Variants in TMCO5A observed in about 807,000 individuals in gnomAD.
The protein encoded by TMCO5A is transmembrane and coiled-coil domains 5A.
In TMCO5A, 34 loss-of-function variants were observed where a neutral mutation model predicts 42.3. The ratio of observed to expected loss-of-function variants is 0.80; its 90% CI spans 0.61 to 1.07. The LOEUF (loss-of-function observed/expected upper bound fraction) is 1.07, where lower values mean the gene tolerates loss of function less well. Among genes scored for constraint, TMCO5A ranks in the 50% least tolerant of loss-of-function variants. The probability of loss-of-function intolerance (pLI) is 0.00; values close to 1 mark genes in which losing one functional copy is unlikely to be tolerated. For missense variants in TMCO5A, 357 were observed against 327.9 expected (o/e 1.09, Z -0.69); for synonymous variants, 131 against 115.6 (o/e 1.13, Z -0.86).
At chr15:37,941,820 A>T in intron 8 of TMCO5A, 90 bp downstream of exon 8, 1 of 1,123,946 alleles carries the variant, frequency 8.9e-7, no homozygotes. Flanking sequence ...TGTCCAGAGC[A>T]ATTTCAACAG....
chr15:37,937,386 T>G lies in TMCO5A; in HGVS notation c.305T>G (p.Leu102Arg). The change falls in exon 5 of 12, where the codon CTT (leucine) becomes CGT (arginine). Residue 102 changes from leucine to arginine, a missense_variant. Transcript: ENST00000319669. ...NKTLVHSITE[L>R]QQKLTRKSQK... Reference sequence around the variant, plus strand: ...ACGTTGGTCCACAGTATAACAGAACTTCAACAAAAGGTGAGGTAGGGTACT... The same window carrying G: ...ACGTTGGTCCACAGTATAACAGAACGTCAACAAAAGGTGAGGTAGGGTACT... 1 of 1,613,066 alleles carries G rather than the reference T, an allele frequency of 6.2e-7. No individual in the cohort carries two copies. The highest frequency in any genetic ancestry group is 1.1e-5 in the South Asian group (1 of 91,056).
intron 8 of TMCO5A, 150 bp from the exon 9 acceptor site, chr15:37,942,041 A>T (rs1226374722): frequency 2.8e-6 from 2 of 711,926 alleles, no homozygotes; most frequent in Non-Finnish European, 4.7e-6. Context: ...GATCAAGAGT[A>T]GTAGGGGGGT....
At chr15:37,965,076 A>G (rs943815864) in intron 11 of TMCO5A, among the ~76,000 whole-genome samples, 4 of 152,162 alleles carry the variant, frequency 2.6e-5, no homozygotes, top group Admixed American at 6.6e-5. Flanking sequence ...ACATATACCA[A>G]TGGAACATAA....
the TMCO5A span, among the ~76,000 whole-genome samples, chr15:37,988,815 G>T: frequency 1.3e-5 from 2 of 151,816 alleles, no homozygotes; most frequent in African/African-American, 2.4e-5. Context: ...TTCTTTTCTT[G>T]CAGTGTTTTT....
chr15:37,967,418 A>T (rs1237491467), exon 12 of TMCO5A: 1 of 152,216 alleles, frequency 6.6e-6, no homozygotes, highest in African/African-American at 2.4e-5. Context: ...ATGTGTAACC[A>T]ACCAGTAATA....
At chr15:38,012,591 GTTA>G in the TMCO5A span, among the ~76,000 whole-genome samples, 1 of 151,946 alleles carries the variant, frequency 6.6e-6, no homozygotes, top group Admixed American at 6.6e-5. Context: ...GCTTTTAGAT[GTTA>G]TGATTAGTTC....
At chr15:37,939,591 TAGTC>T (rs1260368264) in intron 6 of TMCO5A, among the ~76,000 whole-genome samples, 1 of 152,124 alleles carries the variant, frequency 6.6e-6, no homozygotes. Context: ...AGTCTAGTCT[TAGTC>T]AGAATAATGG....
chr15:38,038,488 C>G, the TMCO5A span, among the ~76,000 whole-genome samples: 1 of 151,856 alleles, frequency 6.6e-6, no homozygotes, highest in Non-Finnish European at 1.5e-5. Flanking sequence ...TCACTGCAAC[C>G]TCTGCCTCCC....
chr15:38,017,455 C>T, the TMCO5A span, among the ~76,000 whole-genome samples: 1 of 152,060 alleles, frequency 6.6e-6, no homozygotes, highest in Non-Finnish European at 1.5e-5. Flanking sequence ...AAAATGGTAA[C>T]CTGCCTGCCG....
chr15:38,032,944 T>TC, the TMCO5A span, among the ~76,000 whole-genome samples: 20 of 150,520 alleles, frequency 1.3e-4, no homozygotes, highest in African/African-American at 4.9e-4. Context: ...TTTTTTTTTT[T>TC]TGAGACGGAG....
At chr15:38,038,469 G>A in the TMCO5A span, among the ~76,000 whole-genome samples, 12 of 150,802 alleles carry the variant, frequency 8.0e-5, no homozygotes, top group Non-Finnish European at 1.2e-4. Context: ...CAGTGGCTGC[G>A]ATCTCGGCTC....
the TMCO5A span, among the ~76,000 whole-genome samples, chr15:38,017,330 G>A: frequency 6.6e-6 from 1 of 152,072 alleles, no homozygotes; most frequent in African/African-American, 2.4e-5. Context: ...GTTCAGAAAA[G>A]TTTAAATCTC....
chr15:37,965,968 A>G (rs1890546561), intron 11 of TMCO5A, among the ~76,000 whole-genome samples: 1 of 152,230 alleles, frequency 6.6e-6, no homozygotes, highest in South Asian at 2.1e-4. Context: ...TGTTCATTGC[A>G]GCACTGTTCA....
the TMCO5A span, among the ~76,000 whole-genome samples, chr15:38,034,633 T>A: frequency 6.6e-6 from 1 of 152,090 alleles, no homozygotes; most frequent in African/African-American, 2.4e-5. Flanking sequence ...CAACTCATCT[T>A]CCCAGTTACA....
At chr15:38,007,295 AGGTCCCTTGTGGACCT>A in the TMCO5A span, among the ~76,000 whole-genome samples, 1 of 152,196 alleles carries the variant, frequency 6.6e-6, no homozygotes, top group Non-Finnish European at 1.5e-5. Context: ...ATACACTATA[AGGTCCCTTGTGGACCT>A]GTGGCCTTGA....
intron 11 of TMCO5A, among the ~76,000 whole-genome samples, chr15:37,965,632 C>T (rs1319477032): frequency 2.6e-5 from 4 of 152,108 alleles, no homozygotes; most frequent in African/African-American, 7.2e-5. Context: ...AGAATACATA[C>T]AAATGGCAAA....
At chr15:38,029,076 C>G in the TMCO5A span, among the ~76,000 whole-genome samples, 2 of 151,750 alleles carry the variant, frequency 1.3e-5, no homozygotes, top group African/African-American at 4.8e-5. Flanking sequence ...CTGTAGGAGG[C>G]AAGGAGGAAA....
chr15:37,975,400 T>C, the TMCO5A span, among the ~76,000 whole-genome samples: 3 of 144,846 alleles, frequency 2.1e-5, no homozygotes, highest in Non-Finnish European at 4.4e-5. Context: ...AAGAAATTGC[T>C]TTATAAATCT....
chr15:37,966,698 G>A, exon 12 of TMCO5A: 1 of 702,780 alleles, frequency 1.4e-6, no homozygotes, highest in South Asian at 1.5e-5. Flanking sequence ...GGCAACCTTT[G>A]CAGAATAAAA....
Sources: allele counts gnomAD v4.1 joint callset (sites outside exome capture counted in the v4.1 genomes callset), GRCh38; gene constraint gnomAD v4.1.1; transcripts MANE v1.5; gene names NCBI Gene and HGNC (gene_info 2026-07-23, HGNC 2026-07-21).